The following CAPN10 variants were observed in gnomAD, a reference collection of about 807,000 sequenced individuals.
The protein encoded by CAPN10 is calpain-10.
CAPN10 carries 71 observed loss-of-function variants against 78.4 expected under a neutral mutation model. The observed-to-expected ratio is 0.91, with a 90% CI of 0.75 to 1.10. CAPN10 has a LOEUF of 1.10. Among genes scored for constraint, CAPN10 ranks in the 50% least tolerant of loss-of-function variants. The probability of loss-of-function intolerance (pLI) is 0.00; values close to 1 mark genes in which losing one functional copy is unlikely to be tolerated. For synonymous variants in CAPN10, 437 were observed against 407.2 expected, an observed-to-expected ratio of 1.07 and a Z score of -0.88; for missense variants, 849 against 924.6, an observed-to-expected ratio of 0.92 and a Z score of 1.06.
At chr2:240,590,565 C>T (rs943069256) in intron 2 of CAPN10, 5 of 478,718 alleles carry the variant, frequency 1.0e-5, no homozygotes, top group South Asian at 5.9e-5. Context: ...CCAGGTGTGC[C>T]GAAGAGTTCT....
Position 240,586,967 on chromosome 2 carries a change from T to C in CAPN10, c.56T>C (p.Phe19Ser). Reference sequence around the variant, plus strand: ...AGGGAGCTGTTCCGGGACGCCGCCTTCCCCGCCGCGGACTCCTCGCTCTTC... The same window carrying C: ...AGGGAGCTGTTCCGGGACGCCGCCTCCCCCGCCGCGGACTCCTCGCTCTTC... ...PARELFRDAA[F>S]PAADSSLFCD... The change falls in exon 1 of 12, where the codon TTC becomes TCC. Residue 19 changes from phenylalanine to serine, a missense_variant. Transcript: ENST00000391984. The C allele has an allele frequency of 2.7e-6, 4 of 1,481,388 alleles. No individual in the cohort carries two copies. Among genetic ancestry groups the C allele is most frequent in the Non-Finnish European group, 3.6e-6 (4 of 1,115,974 alleles). The allele number at this position is 1,481,388 out of a possible 1,614,324, so 91.8% of individuals were successfully genotyped here. A position where few individuals can be genotyped will look rare whatever the true frequency, so the allele number is the denominator to read the frequency against.
intron 5 of CAPN10, 131 bp from the exon 6 acceptor site, chr2:240,594,408 GCAGA>G: frequency 1.1e-6 from 1 of 873,438 alleles, no homozygotes; most frequent in Non-Finnish European, 1.8e-6. Context: ...GGGAGGGGCT[GCAGA>G]GCTGGGGCAC....
chr2:240,598,525 G>A (rs766158857), intron 11 of CAPN10, 126 bp from the exon 12 acceptor site: 29 of 1,441,252 alleles, frequency 2.0e-5, no homozygotes, highest in African/African-American at 2.8e-5. Flanking sequence ...TCCTGTGAGA[G>A]CCCCGGGCGG....
Position 240,592,513 on chromosome 2 carries a change from C to CA in CAPN10, c.688+369dup. ...ACATTCGTTAAAAACAGTTTGTCTC[C>CA]AAAAAATGAAAGGGGCCAGGTGTGG... is the stretch of plus-strand genomic sequence containing the variant. On this transcript the variant is annotated intron_variant, in intron 4 of 11. Coordinates refer to ENST00000391984, the MANE Select transcript of CAPN10 (RefSeq NM_023083.4). 4.0e-6 allele frequency: 2 copies of CA among 494,544 alleles called. 1 individual carries two copies. The highest frequency in any genetic ancestry group is 3.1e-5 in the South Asian group (2 of 64,706). 30.6% of individuals were successfully genotyped at this position (494,544 alleles called of 1,614,324 possible).
In CAPN10 at chr2:240,596,384, C is replaced by T. The variant is rs373123426; in HGVS notation, c.1344C>T (p.Cys448=). Residue 448 remains cysteine, a synonymous_variant, in exon 8 of 12, where the codon TGC becomes TGT. Coordinates refer to ENST00000391984, the MANE Select transcript of CAPN10 (RefSeq NM_023083.4). ...LSMPPVAGTA[C]HAYDREVHLR... is the part of the protein sequence containing the mutation. ...TGCCCCCCGTGGCTGGCACCGCGTG[C>T]CATGCATACGACCGGGAGGTCCACC... The T allele has an allele frequency of 1.4e-4, 218 of 1,613,126 alleles. No homozygotes were observed. The highest frequency in any genetic ancestry group is 1.8e-4 in the Non-Finnish European group (216 of 1,179,864).
At position 240,598,715 on chromosome 2, in the gene CAPN10, A is replaced by C. The variant is rs1162058889; in HGVS notation, c.*35A>C. The C allele has an allele frequency of 1.3e-6, 2 of 1,556,116 alleles. No homozygotes were observed. Among genetic ancestry groups the C allele is most frequent in the South Asian group, 2.4e-5 (2 of 84,714 alleles). ...CCCCTGTGCCAGCTCAGGTGACTGGAGCCCGAGGGCCTGACAGGTTCCCAG... is the reference window on the plus strand; with the variant it reads ...CCCCTGTGCCAGCTCAGGTGACTGGCGCCCGAGGGCCTGACAGGTTCCCAG... On this transcript the variant is annotated 3_prime_UTR_variant, in exon 12 of 12. Coordinates refer to ENST00000391984, the MANE Select transcript of CAPN10 (RefSeq NM_023083.4).
rs1346835552 is a variant in CAPN10, at chr2:240,587,052, G to C, written c.141G>C (p.Gln47His). The change falls in exon 1 of 12, where the codon CAG (glutamine) becomes CAC (histidine). Residue 47 changes from glutamine (Q) to histidine (H), a missense_variant and splice_region_variant. Transcript: ENST00000391984. ...FREDITWRRP[Q>H]EICATPRLFP... The stretch of plus-strand genomic sequence containing the variant: ...AGGACATCACGTGGAGGCGGCCCCA[G>C]GTGGGGCCGTGTGGGGTGCGGTGGG... 8 of 1,422,070 alleles carry C rather than the reference G, an allele frequency of 5.6e-6. No homozygotes were observed. The highest frequency in any genetic ancestry group is 7.4e-6 in the Non-Finnish European group (8 of 1,083,342). The allele number at this position is 1,422,070 out of a possible 1,614,324, so 88.1% of individuals were successfully genotyped here. A position where few individuals can be genotyped will look rare whatever the true frequency, so the allele number is the denominator to read the frequency against.
rs1410064599 is a variant in CAPN10, at chr2:240,594,629, A to T, written c.917A>T (p.Glu306Val). Residue 306 changes from glutamate to valine, a missense_variant, in exon 6 of 12, where the codon GAG becomes GTG. Transcript: ENST00000391984. ...GAAGGGGAGTTCTGGGTGGAGGAGG[A>T]GGAGTTCCTCAGGGAGTTTGACGAG... ...LQEGEFWVEEEEFLREFDELT... is the reference protein window; with the variant it reads ...LQEGEFWVEEVEFLREFDELT... 6.2e-6 allele frequency: 10 copies of T among 1,613,748 alleles called. No homozygotes were observed. Among genetic ancestry groups the T allele is most frequent in the Non-Finnish European group, 8.5e-6 (10 of 1,179,952 alleles).
At chr2:240,596,072 G>T in intron 7 of CAPN10, 1 of 1,531,226 alleles carries the variant, frequency 6.5e-7, no homozygotes, top group Non-Finnish European at 8.8e-7. Flanking sequence ...CGGTGCCTTT[G>T]TGGGCCCAGC....
chr2:240,592,660 A>C, intron 4 of CAPN10: 1 of 343,298 alleles, frequency 2.9e-6, no homozygotes, highest in Non-Finnish European at 5.6e-6. Flanking sequence ...AAAATGAAGG[A>C]AAAAAATCAC....
chr2:240,596,437 A>G lies in CAPN10; in HGVS notation c.1397A>G (p.Tyr466Cys). The G allele has an allele frequency of 1.9e-6, 3 of 1,613,538 alleles. No homozygotes were observed. The highest frequency in any genetic ancestry group is 2.5e-6 in the Non-Finnish European group (3 of 1,179,920). Residue 466 changes from tyrosine (Y) to cysteine (C), a missense_variant, in exon 8 of 12, where the codon TAC (tyrosine) becomes TGC (cysteine). Tyr to Cys is a radical substitution (Grantham distance 194). Transcript: ENST00000391984. ...CGTTGTGAGCTCTCACCGGGCTACT[A>G]CCTGGCTGTCCCCAGCACCTTCCTG... ...HLRCELSPGY[Y>C]LAVPSTFLKD...
chr2:240,592,273 G>A, intron 4 of CAPN10, 123 bp downstream of exon 4: 2 of 859,468 alleles, frequency 2.3e-6, no homozygotes, highest in South Asian at 1.6e-5. Context: ...GTGGGAAGAA[G>A]TAAGCTTGTT....
chr2:240,598,621 G>A (rs772090158), intron 11 of CAPN10, 30 bp from the exon 12 acceptor site: 31 of 1,567,898 alleles, frequency 2.0e-5, no homozygotes, highest in South Asian at 2.3e-5. Context: ...GAGTGCCACC[G>A]CTGCCCGGGC....
chr2:240,598,590 G>T, intron 11 of CAPN10, 61 bp from the exon 12 acceptor site: 1 of 1,537,204 alleles, frequency 6.5e-7, no homozygotes, highest in Non-Finnish European at 8.8e-7. Context: ...GCTGCACTCG[G>T]GGTGGGGTGT....
chr2:240,589,050 A>G (rs1408764365), intron 1 of CAPN10, among the ~76,000 whole-genome samples: 1 of 152,208 alleles, frequency 6.6e-6, no homozygotes, highest in Non-Finnish European at 1.5e-5. Flanking sequence ...AGCATGAGTA[A>G]AAAGTGAAAC....
intron 3 of CAPN10, chr2:240,591,270 T>G: frequency 2.2e-6 from 1 of 459,772 alleles, no homozygotes; most frequent in Admixed American, 3.8e-5. Flanking sequence ...AGAGAACATG[T>G]GTGCCGTCCT....
At chr2:240,593,428 G>T (rs1389229858) in intron 4 of CAPN10, among the ~76,000 whole-genome samples, 1 of 152,214 alleles carries the variant, frequency 6.6e-6, no homozygotes, top group Non-Finnish European at 1.5e-5. Context: ...AAGGTCTCTG[G>T]CCAGGTGGAG....
In CAPN10 at chr2:240,598,768, G is replaced by A; in HGVS notation, c.*88G>A. The A allele has an allele frequency of 7.8e-7, 1 of 1,284,660 alleles. No homozygotes were observed. The highest frequency in any genetic ancestry group is 1.5e-5 in the African/African-American group (1 of 68,152). The allele number at this position is 1,284,660 out of a possible 1,614,324, so 79.6% of individuals were successfully genotyped here. A position where few individuals can be genotyped will look rare whatever the true frequency, so the allele number is the denominator to read the frequency against. On this transcript the variant is annotated 3_prime_UTR_variant, in exon 12 of 12. Coordinates refer to ENST00000391984, the MANE Select transcript of CAPN10 (RefSeq NM_023083.4). ...GCTGGGCCGGCCAGCCTTGCACTGT[G>A]GGGGCTGGTCCTGAGTCTTGGCCTG... is the stretch of plus-strand genomic sequence containing the variant.
intron 8 of CAPN10, 74 bp downstream of exon 8, chr2:240,596,595 C>T: frequency 6.5e-7 from 1 of 1,538,900 alleles, no homozygotes; most frequent in South Asian, 1.3e-5. Flanking sequence ...GGGCACTTTC[C>T]CTCTGTGGTT....
Sources: allele counts gnomAD v4.1 joint callset (sites outside exome capture counted in the v4.1 genomes callset), GRCh38; gene constraint gnomAD v4.1.1; transcripts MANE v1.5; gene names NCBI Gene and HGNC (gene_info 2026-07-23, HGNC 2026-07-21).